The following ARMCX4 variants were observed in gnomAD, a reference collection of about 807,000 sequenced individuals.
ARMCX4 encodes armadillo repeat containing X-linked 4.
In ARMCX4, 3 loss-of-function variants were observed where a neutral mutation model predicts 34.7. The ratio of observed to expected loss-of-function variants is 0.09; its 90% CI spans 0.04 to 0.22. ARMCX4 has a LOEUF of 0.22. Ranked by LOEUF, ARMCX4 falls within the 10% of genes least tolerant of loss-of-function variation. The probability of loss-of-function intolerance (pLI) is 1.00; values close to 1 mark genes in which losing one functional copy is unlikely to be tolerated. For synonymous variants in ARMCX4, 513 were observed against 632.8 expected (o/e 0.81, Z 2.84); for missense variants, 1,448 against 1,720.8 (o/e 0.84, Z 2.81).
At chrX:101,466,069 C>CTA (rs1932787664) in intron 4 of ARMCX4, among the ~76,000 whole-genome samples, 1 of 111,585 alleles carries the variant, frequency 9.0e-6, no homozygotes, top group African/African-American at 3.2e-5. Flanking sequence ...GAAAGCTGAA[C>CTA]TATAGACAGG....
intron 8 of ARMCX4, among the ~76,000 whole-genome samples, chrX:101,506,884 C>G (rs782541283): frequency 1.8e-5 from 2 of 111,867 alleles, no homozygotes; most frequent in East Asian, 5.6e-4. Flanking sequence ...TTTCTGCTTC[C>G]AAATTAATTT....
intron 2 of ARMCX4, among the ~76,000 whole-genome samples, chrX:101,425,656 A>G (rs1929566676): frequency 9.1e-6 from 1 of 110,181 alleles, no homozygotes; most frequent in South Asian, 3.9e-4. Context: ...CAGCCTCCCA[A>G]AGTGCTGGGA....
At chrX:101,449,330 G>A (rs1757482270), downstream of ARMCX4, among the ~76,000 whole-genome samples, 1 of 111,905 alleles carries the variant, frequency 8.9e-6, no homozygotes, top group African/African-American at 3.2e-5. Flanking sequence ...CCTCGTTAAG[G>A]TCAATAACAG....
At position 101,493,400 on chromosome X, in the gene ARMCX4, A is replaced by G. The variant is rs1556010341; in HGVS notation, c.4811A>G (p.Gln1604Arg). 1.7e-6 allele frequency: 2 copies of G among 1,154,580 alleles called. No homozygotes were observed. Among genetic ancestry groups the G allele is most frequent in the Non-Finnish European group, 2.3e-6 (2 of 872,553 alleles). The change falls in exon 6 of 6, where the codon CAG becomes CGG. Residue 1604 changes from glutamine (Q) to arginine (R), a missense_variant. Coordinates refer to ENST00000423738, the MANE Select transcript of ARMCX4 (RefSeq NM_001256155.3). The stretch of plus-strand genomic sequence containing the variant: ...GGCTCCAGGCCAGGGTCTGAGGATC[A>G]GTCCAGTGGAATAGGTTCCTGGGGT... ...GGGSRPGSED[Q>R]SSGIGSWGVA...
chrX:101,515,098 G>A (rs1556017306), intron 11 of ARMCX4, among the ~76,000 whole-genome samples: 2 of 111,268 alleles, frequency 1.8e-5, no homozygotes, highest in Admixed American at 9.5e-5. Context: ...GGAATTTGAA[G>A]CCCTGAGCTC....
chrX:101,513,590 C>A (rs1934643235), intron 11 of ARMCX4, among the ~76,000 whole-genome samples: 1 of 111,901 alleles, frequency 8.9e-6, no homozygotes, highest in Non-Finnish European at 1.9e-5. Context: ...TACACACAAA[C>A]AAACATAATG....
chrX:101,461,525 G>T (rs187591518), intron 4 of ARMCX4, among the ~76,000 whole-genome samples: 2 of 112,157 alleles, frequency 1.8e-5, no homozygotes, highest in East Asian at 5.6e-4. Flanking sequence ...GAGCATGGGT[G>T]TGCAAATATA....
rs1321710068 is a variant in ARMCX4 at position 101,493,424 on chromosome X, G to C, written c.4835G>C (p.Gly1612Ala). 7 of 1,151,945 alleles carry C rather than the reference G, an allele frequency of 6.1e-6. No individual in the cohort carries two copies. The highest frequency in any genetic ancestry group is 8.0e-6 in the Non-Finnish European group (7 of 871,694). 94.9% of individuals were successfully genotyped at this position (1,151,945 alleles called of 1,213,427 possible). A position where few individuals can be genotyped will look rare whatever the true frequency, so the allele number is the denominator to read the frequency against. ...CAGTCCAGTGGAATAGGTTCCTGGG[G>C]TGTGGCTGGTGGCCAGGTCCTTGGG... ...EDQSSGIGSW[G>A]VAGGQVLGGA... The change falls in exon 6 of 6, where the codon GGT (glycine) becomes GCT (alanine). Residue 1612 changes from glycine to alanine, a missense_variant. Gly to Ala is a moderately conservative substitution (Grantham distance 60, BLOSUM62 0). Around this residue, in one of 2 missense-constraint regions of ARMCX4, gnomAD observed 1,343 missense variants for 1,540.7 expected, o/e 0.87. Coordinates refer to ENST00000423738, the MANE Select transcript of ARMCX4 (RefSeq NM_001256155.3).
In ARMCX4 at chrX:101,491,436, G is replaced by C. The variant is rs1556009106; in HGVS notation, c.2847G>C (p.Gln949His). 2.6e-6 allele frequency: 3 copies of C among 1,156,362 alleles called. No homozygotes were observed. The highest frequency in any genetic ancestry group is 2.6e-5 in the Admixed American group (1 of 38,848). ...GGGCAGGCATAATGGGCTCTGTCCAGGTCCAGGTTGTGGCCAGTTTTCAGG... is the reference window on the plus strand; with the variant it reads ...GGGCAGGCATAATGGGCTCTGTCCACGTCCAGGTTGTGGCCAGTTTTCAGG... Reference protein sequence around the residue: ...EAGAGIMGSVQVQVVASFQGE... With the variant: ...EAGAGIMGSVHVQVVASFQGE... Residue 949 changes from glutamine (Q) to histidine (H), a missense_variant, in exon 6 of 6, where the codon CAG becomes CAC. By Grantham distance (24) the Gln-to-His change is conservative. This residue lies in a region of ARMCX4 where 1,343 missense variants were observed against 1,540.7 expected (regional missense o/e 0.87). Coordinates refer to ENST00000423738, the MANE Select transcript of ARMCX4 (RefSeq NM_001256155.3).
intron 2 of ARMCX4, among the ~76,000 whole-genome samples, chrX:101,424,181 C>G (rs782085459): frequency 9.0e-6 from 1 of 111,079 alleles, no homozygotes; most frequent in Admixed American, 9.6e-5. Flanking sequence ...TATAAAAACC[C>G]GAAAGAATTG....
downstream of ARMCX4, among the ~76,000 whole-genome samples, chrX:101,452,189 C>T (rs1288613297): frequency 8.9e-6 from 1 of 112,009 alleles, no homozygotes; most frequent in Non-Finnish European, 1.9e-5. Context: ...TGGTCTATAA[C>T]AAAGATCAGT....
In ARMCX4 at chrX:101,462,773, G is replaced by A. The variant is rs782646449; in HGVS notation, c.-473+16729G>A. On this transcript the variant is annotated intron_variant and NMD_transcript_variant, in intron 4 of 15. Coordinates refer to the ARMCX4 transcript ENST00000433011. Reference sequence around the variant, plus strand: ...TTTCTTGGGAAAAGAGCAGATTAAAGCAACTGATTTGGTGATGTATCTACT... The same window carrying A: ...TTTCTTGGGAAAAGAGCAGATTAAAACAACTGATTTGGTGATGTATCTACT... Among the ~76,000 whole-genome samples the A allele has an allele frequency of 2.7e-5, 3 of 111,753 alleles. No individual in the cohort carries two copies. The South Asian group carries it at 1.1e-3, about 41-fold the overall frequency.
exon 13 of ARMCX4, chrX:101,533,125 T>C (rs1556022592): frequency 9.2e-6 from 1 of 108,691 alleles, no homozygotes; most frequent in Non-Finnish European, 1.9e-5. Context: ...GACTTCTGCT[T>C]GGGTTTGGTC....
At chrX:101,455,524 T>C (rs1932229254) in intron 4 of ARMCX4, among the ~76,000 whole-genome samples, 1 of 112,079 alleles carries the variant, frequency 8.9e-6, no homozygotes, top group Non-Finnish European at 1.9e-5. Flanking sequence ...ACCACTAAAC[T>C]CTTTTAAAGA....
At chrX:101,420,301 A>G (rs1054733073) in intron 2 of ARMCX4, among the ~76,000 whole-genome samples, 3 of 111,294 alleles carry the variant, frequency 2.7e-5, no homozygotes, top group East Asian at 2.8e-4. Flanking sequence ...GGAGGTTGCA[A>G]TGAGCCAAGA....
Position 101,490,249 on chromosome X carries a change from G to A in ARMCX4, c.1660G>A (p.Val554Ile). The change falls in exon 6 of 6, where the codon GTC becomes ATC. Residue 554 changes from valine to isoleucine, a missense_variant. This residue lies in a region of ARMCX4 where 1,343 missense variants were observed against 1,540.7 expected (regional missense o/e 0.87). Transcript: ENST00000423738. ...AACCTGTACACAACCTCAGGCTGGG[G>A]TCAAGACCCCAGCTGAGGCCTTGCT... Reference protein sequence around the residue: ...MKTCTQPQAGVKTPAEALLDS... With the variant: ...MKTCTQPQAGIKTPAEALLDS... The A allele has an allele frequency of 8.7e-7, 1 of 1,155,347 alleles. No individual in the cohort carries two copies. Among genetic ancestry groups the A allele is most frequent in the East Asian group, 3.3e-5 (1 of 30,721 alleles).
chrX:101,433,413 T>C (rs187620798), intron 2 of ARMCX4, among the ~76,000 whole-genome samples: 1 of 110,245 alleles, frequency 9.1e-6, no homozygotes, highest in East Asian at 2.9e-4. Flanking sequence ...TAAACATATA[T>C]ACCTGTATGT....
At chrX:101,476,637 GA>G (rs782324376) in intron 4 of ARMCX4, among the ~76,000 whole-genome samples, 75 of 111,243 alleles carry the variant, frequency 6.7e-4, no homozygotes, top group African/African-American at 2.2e-3. Context: ...TAAAAATCAT[GA>G]CTTCAAATTA....
chrX:101,467,206 A>G (rs1932807006), intron 4 of ARMCX4, among the ~76,000 whole-genome samples: 1 of 112,012 alleles, frequency 8.9e-6, no homozygotes. Flanking sequence ...CTGGAGTGCT[A>G]TGGTGTGATC....
Sources: gnomAD v4.1 joint callset for allele counts (sites outside exome capture counted in the v4.1 genomes callset) on GRCh38, gnomAD v4.1.1 for gene constraint, gnomAD v4.1.1 regional missense constraint, MANE v1.5 for transcripts, NCBI Gene and HGNC (gene_info 2026-07-23, HGNC 2026-07-21) for gene names.